CPQ: variants seen among roughly 807,000 people sequenced by gnomAD.
CPQ encodes the protein carboxypeptidase Q.
CPQ carries 37 observed loss-of-function variants against 45.7 expected under a neutral mutation model. The observed-to-expected ratio is 0.81, with a 90% CI of 0.62 to 1.07. CPQ has a LOEUF of 1.07. Ranked by LOEUF, CPQ falls within the 50% of genes least tolerant of loss-of-function variation. CPQ has a pLI of 0.00. For missense variants in CPQ, 537 were observed against 572.9 expected, an observed-to-expected ratio of 0.94 and a Z score of 0.64; for synonymous variants, 186 against 205.8, an observed-to-expected ratio of 0.90 and a Z score of 0.82.
chr8:96,717,076 T>TATATATAC (rs1809690915), intron 1 of CPQ, among the ~76,000 whole-genome samples: 3 of 64,124 alleles, frequency 4.7e-5, no homozygotes, highest in Non-Finnish European at 9.3e-5. Context: ...TATATATATA[T>TATATATAC]ACGTATATAT....
At chr8:97,091,538 G>C (rs72664571) in intron 7 of CPQ, among the ~76,000 whole-genome samples, 3,950 of 152,242 alleles carry the variant, frequency 0.026, 77 homozygotes, top group Admixed American at 0.063. Context: ...TACCTTTGTA[G>C]CATAAAATCA....
At chr8:96,906,423 C>T (rs1812578410) in intron 4 of CPQ, among the ~76,000 whole-genome samples, 1 of 152,040 alleles carries the variant, frequency 6.6e-6, no homozygotes. Context: ...CCTCTCAACC[C>T]CAGCATACAG....
intron 3 of CPQ, among the ~76,000 whole-genome samples, chr8:96,854,548 A>ACAAAAAAC (rs1563513668): frequency 2.5e-5 from 3 of 119,054 alleles, no homozygotes; most frequent in Non-Finnish European, 5.4e-5. Flanking sequence ...AAAAAAAAAA[A>ACAAAAAAC]AAAAAAAAAA....
At chr8:96,955,209 C>T (rs2130344683) in intron 4 of CPQ, among the ~76,000 whole-genome samples, 1 of 152,304 alleles carries the variant, frequency 6.6e-6, no homozygotes, top group Non-Finnish European at 1.5e-5. Flanking sequence ...TTTACAGTCC[C>T]ACCAACAGTG....
intron 7 of CPQ, among the ~76,000 whole-genome samples, chr8:97,086,870 T>A (rs532582648): frequency 6.6e-6 from 1 of 152,280 alleles, no homozygotes; most frequent in African/African-American, 2.4e-5. Flanking sequence ...CAGATTGGCT[T>A]TTGAAGTGCA....
At chr8:96,904,285 C>T (rs554669274) in intron 4 of CPQ, among the ~76,000 whole-genome samples, 8 of 152,280 alleles carry the variant, frequency 5.3e-5, no homozygotes, top group South Asian at 4.1e-4. Context: ...CCACGTTTGC[C>T]GCTGAATGAT....
chr8:97,005,365 G>T (rs562182665), intron 5 of CPQ, among the ~76,000 whole-genome samples: 1 of 151,730 alleles, frequency 6.6e-6, no homozygotes, highest in Admixed American at 6.6e-5. Flanking sequence ...CAGGCATGAG[G>T]CACCGCTCCT....
chr8:96,699,814 G>A (rs1809431827), intron 1 of CPQ, among the ~76,000 whole-genome samples: 1 of 152,114 alleles, frequency 6.6e-6, no homozygotes, highest in Non-Finnish European at 1.5e-5. Context: ...AGAGATCAGT[G>A]AGAGGTGGCC....
At chr8:97,119,875 C>T (rs1811668372) in intron 7 of CPQ, among the ~76,000 whole-genome samples, 1 of 152,144 alleles carries the variant, frequency 6.6e-6, no homozygotes, top group Admixed American at 6.6e-5. Flanking sequence ...CTGCTGAGGT[C>T]ACCTGGCAGC....
chr8:96,796,747 T>C (rs1484789493), intron 2 of CPQ, among the ~76,000 whole-genome samples: 1 of 152,162 alleles, frequency 6.6e-6, no homozygotes, highest in Non-Finnish European at 1.5e-5. Context: ...TTTTGAGCTG[T>C]GTATATGGAT....
chr8:97,123,662 T>C (rs1418651146), intron 7 of CPQ, among the ~76,000 whole-genome samples: 1 of 151,996 alleles, frequency 6.6e-6, no homozygotes, highest in African/African-American at 2.4e-5. Flanking sequence ...AAACTCAATA[T>C]ATCAGTAATT....
rs199523165 is a variant in CPQ at position 96,650,454 on chromosome 8, G to A, written c.-35+5052G>A. Among the ~76,000 whole-genome samples, 15 of 152,288 alleles carry A rather than the reference G, an allele frequency of 9.8e-5. No homozygotes were observed. In the East Asian group the frequency reaches 1.5e-3, roughly 16 times the overall value. On this transcript the variant is annotated intron_variant, in intron 1 of 7. Transcript: ENST00000220763. The stretch of plus-strand genomic sequence containing the variant: ...ATTGTTACAAGAACCTAGGAAGCAG[G>A]TGCAGCCAGGCATTATTATCTTTCT...
At chr8:96,657,425 C>T (rs1815651289) in intron 1 of CPQ, among the ~76,000 whole-genome samples, 2 of 152,098 alleles carry the variant, frequency 1.3e-5, no homozygotes, top group African/African-American at 2.4e-5. Context: ...GAGATTGTTC[C>T]TCTTCTAATG....
intron 5 of CPQ, among the ~76,000 whole-genome samples, chr8:97,002,959 T>C (rs2853265): frequency 0.36 from 55,166 of 152,062 alleles, 10,035 homozygotes; most frequent in South Asian, 0.4. Context: ...TGGGTGCATA[T>C]ATATTTAGGA....
At chr8:96,754,859 T>C (rs935184114) in intron 1 of CPQ, among the ~76,000 whole-genome samples, 1 of 151,978 alleles carries the variant, frequency 6.6e-6, no homozygotes, top group East Asian at 1.9e-4. Flanking sequence ...TCTTATTCTG[T>C]ATCTTTCTTT....
chr8:96,833,625 T>C (rs1425213637), intron 2 of CPQ, among the ~76,000 whole-genome samples: 1 of 152,220 alleles, frequency 6.6e-6, no homozygotes, highest in Non-Finnish European at 1.5e-5. Context: ...CAAACTCTTA[T>C]TTGTATTTTT....
intron 5 of CPQ, among the ~76,000 whole-genome samples, chr8:97,006,267 G>T (rs1809379647): frequency 6.6e-6 from 1 of 152,130 alleles, no homozygotes; most frequent in Admixed American, 6.6e-5. Context: ...TTGAGATGTG[G>T]TGAAAGAATC....
chr8:96,958,959 C>T (rs916851447), intron 4 of CPQ, among the ~76,000 whole-genome samples: 1 of 150,606 alleles, frequency 6.6e-6, no homozygotes, highest in Non-Finnish European at 1.5e-5. Context: ...TCAAGAGGAA[C>T]CCACATGTTT....
At chr8:96,757,356 T>TG (rs1810340916) in intron 1 of CPQ, among the ~76,000 whole-genome samples, 1 of 5,308 alleles carries the variant, frequency 1.9e-4, no homozygotes, top group African/African-American at 2.9e-4. Flanking sequence ...ATCTCAATGA[T>TG]AATAATAATA....
Sources: gnomAD v4.1 joint callset for allele counts (sites outside exome capture counted in the v4.1 genomes callset) on GRCh38, gnomAD v4.1.1 for gene constraint, MANE v1.5 for transcripts, NCBI Gene and HGNC (gene_info 2026-07-23, HGNC 2026-07-21) for gene names.